RAPGEF6: variants seen among roughly 807,000 people sequenced by gnomAD.
The protein encoded by RAPGEF6 is PDZ domain containing guanine nucleotide exchange factor (GEF) 2.
A neutral mutation model predicts 171.4 loss-of-function variants in RAPGEF6; 56 were observed. The ratio of observed to expected loss-of-function variants is 0.33; its 90% CI spans 0.26 to 0.41. RAPGEF6 has a LOEUF of 0.41. RAPGEF6 is among the 10% of genes least tolerant of loss of function. The pLI is 1.00. For missense variants in RAPGEF6, 1,674 were observed against 1,921.4 expected, an observed-to-expected ratio of 0.87 and a Z score of 2.41; for synonymous variants, 692 against 650.1, an observed-to-expected ratio of 1.06 and a Z score of -0.98.
chr5:131,429,031 G>A lies in RAPGEF6; in HGVS notation c.4651C>T (p.Pro1551Ser), dbSNP rs766355031. 6.8e-6 allele frequency: 11 copies of A among 1,614,180 alleles called. No homozygotes were observed. The highest frequency in any genetic ancestry group is 1.7e-5 in the Admixed American group (1 of 60,028). Residue 1551 changes from proline (P) to serine (S), a missense_variant, in exon 27 of 28, where the codon CCA (proline) becomes TCA (serine). Physicochemically the swap from Pro to Ser is moderately conservative, Grantham distance 74. Transcript: ENST00000509018. Reference sequence around the variant, plus strand: ...ACGAGGTTGCTACTGAGAGAAGCTGGTGGCAGTCTAGAGAGGCTGTTATGC... The same window carrying A: ...ACGAGGTTGCTACTGAGAGAAGCTGATGGCAGTCTAGAGAGGCTGTTATGC... The part of the protein sequence containing the change: ...MMHNSLSRLP[P>S]ASLSSNLVAC...
At chr5:131,445,640 T>C (rs1200490471) in intron 22 of RAPGEF6, among the ~76,000 whole-genome samples, 1 of 152,204 alleles carries the variant, frequency 6.6e-6, no homozygotes, top group East Asian at 1.9e-4. Flanking sequence ...TGGAGAGCAC[T>C]GGCATGGTCC....
intron 5 of RAPGEF6, among the ~76,000 whole-genome samples, chr5:131,554,175 T>C (rs1761092041): frequency 6.6e-6 from 1 of 152,130 alleles, no homozygotes; most frequent in Non-Finnish European, 1.5e-5. Context: ...ATAAAAATAA[T>C]TCTCCTCCTA....
At chr5:131,631,666 G>A (rs1766314525) in intron 1 of RAPGEF6, among the ~76,000 whole-genome samples, 1 of 152,208 alleles carries the variant, frequency 6.6e-6, no homozygotes, top group South Asian at 2.1e-4. Context: ...CAGTAAGGTA[G>A]TCAGGTGTAG....
chr5:131,610,633 T>G (rs1333716229), intron 1 of RAPGEF6, among the ~76,000 whole-genome samples: 1 of 152,080 alleles, frequency 6.6e-6, no homozygotes, highest in Non-Finnish European at 1.5e-5. Flanking sequence ...CACTGAGACC[T>G]GCAGAGCTGA....
chr5:131,470,169 T>C (rs1174342819), intron 17 of RAPGEF6, among the ~76,000 whole-genome samples: 3 of 152,202 alleles, frequency 2.0e-5, no homozygotes, highest in Non-Finnish European at 4.4e-5. Context: ...TTTAAAAATA[T>C]AAGTTAAATA....
At chr5:131,472,944 A>T in intron 16 of RAPGEF6, 200 bp from the exon 17 acceptor site, 1 of 546,302 alleles carries the variant, frequency 1.8e-6, no homozygotes, top group Admixed American at 3.3e-5. Flanking sequence ...TTAAAATAAA[A>T]TCTAACTTAT....
At chr5:131,431,515 C>T (rs1440721981) in intron 25 of RAPGEF6, among the ~76,000 whole-genome samples, 166 bp from the exon 26 acceptor site, 3 of 152,108 alleles carry the variant, frequency 2.0e-5, no homozygotes, top group Non-Finnish European at 2.9e-5. Flanking sequence ...CACTATATTC[C>T]TTGTAAGTAT....
intron 4 of RAPGEF6, among the ~76,000 whole-genome samples, chr5:131,564,808 A>G (rs950166305): frequency 6.6e-6 from 1 of 152,218 alleles, no homozygotes; most frequent in East Asian, 1.9e-4. Flanking sequence ...AGAGAGATAT[A>G]AAAAAGACCT....
At chr5:131,464,432 G>A in intron 17 of RAPGEF6, 151 bp from the exon 18 acceptor site, 17 of 582,494 alleles carry the variant, frequency 2.9e-5, no homozygotes, top group South Asian at 8.3e-5. Context: ...TGCATTTATT[G>A]ATAAATATAT....
In RAPGEF6 at chr5:131,582,941, T is replaced by C. The variant is rs138202131; in HGVS notation, c.281+9442A>G. Among the ~76,000 whole-genome samples the C allele has an allele frequency of 5.3e-5, 8 of 152,344 alleles. No homozygotes were observed. The East Asian group carries it at 1.5e-3, about 29-fold the overall frequency. On this transcript the variant is annotated intron_variant, in intron 4 of 27. Coordinates refer to ENST00000509018, the MANE Select transcript of RAPGEF6 (RefSeq NM_016340.6). ...TTATTGCTAGGTATTTTTCAAAATA[T>C]ATGAAAGTATGTATTCACATAAACA... is the stretch of plus-strand genomic sequence containing the variant.
intron 6 of RAPGEF6, among the ~76,000 whole-genome samples, chr5:131,544,599 GA>G (rs1165665722): frequency 6.6e-6 from 1 of 152,166 alleles, no homozygotes; most frequent in Non-Finnish European, 1.5e-5. Flanking sequence ...TAGGGTGATG[GA>G]AGTAATCATA....
At chr5:131,464,715 G>A (rs1379702523) in intron 17 of RAPGEF6, among the ~76,000 whole-genome samples, 4 of 151,964 alleles carry the variant, frequency 2.6e-5, no homozygotes, top group Non-Finnish European at 5.9e-5. Context: ...GATATGCCCC[G>A]TTACCCCCTG....
At chr5:131,508,278 A>C (rs1263563312) in intron 8 of RAPGEF6, 71 bp from the exon 9 acceptor site, 12 of 1,372,888 alleles carry the variant, frequency 8.7e-6, no homozygotes, top group Non-Finnish European at 6.8e-6. Flanking sequence ...CGAAATCTAG[A>C]ATTCAATTCC....
At chr5:131,557,356 C>G (rs1208396989) in intron 5 of RAPGEF6, among the ~76,000 whole-genome samples, 1 of 152,008 alleles carries the variant, frequency 6.6e-6, no homozygotes, top group African/African-American at 2.4e-5. Context: ...ATAAATGGTA[C>G]GTTTATAAAA....
chr5:131,510,630 A>T, intron 7 of RAPGEF6, 139 bp from the exon 8 acceptor site: 1 of 705,890 alleles, frequency 1.4e-6, no homozygotes, highest in East Asian at 2.9e-5. Context: ...GAATACAATA[A>T]AATGATACTT....
intron 7 of RAPGEF6, among the ~76,000 whole-genome samples, chr5:131,517,727 T>G (rs1200459051): frequency 6.7e-6 from 1 of 149,096 alleles, no homozygotes; most frequent in African/African-American, 2.5e-5. Flanking sequence ...TACTGATATT[T>G]AATTCTTCTC....
chr5:131,479,874 C>A, intron 15 of RAPGEF6, 121 bp from the exon 16 acceptor site: 2 of 989,556 alleles, frequency 2.0e-6, no homozygotes, highest in South Asian at 1.7e-5. Context: ...CAGTCTCATT[C>A]AACTAAACAC....
At position 131,439,572 on chromosome 5, in the gene RAPGEF6, T is replaced by C. The variant is rs1182997674; in HGVS notation, c.3745+9A>G. 2 of 1,602,582 alleles carry C rather than the reference T, an allele frequency of 1.2e-6. No homozygotes were observed. The highest frequency in any genetic ancestry group is 1.7e-4 in the Middle Eastern group (1 of 5,888). ...TTAACAAGAACTAGTTTGAAATGTT[T>C]TGTCTTACCTTTGTGAGGGGAGCCT... On this transcript the variant is annotated intron_variant, in intron 24 of 27. Coordinates refer to ENST00000509018, the MANE Select transcript of RAPGEF6 (RefSeq NM_016340.6).
At chr5:131,557,761 A>G (rs1761330342) in intron 5 of RAPGEF6, among the ~76,000 whole-genome samples, 1 of 152,220 alleles carries the variant, frequency 6.6e-6, no homozygotes, top group Non-Finnish European at 1.5e-5. Flanking sequence ...CTGCATCCAT[A>G]GAAATGATTA....
Sources: gnomAD v4.1 joint callset for allele counts (sites outside exome capture counted in the v4.1 genomes callset) on GRCh38, gnomAD v4.1.1 for gene constraint, MANE v1.5 for transcripts, NCBI Gene and HGNC (gene_info 2026-07-23, HGNC 2026-07-21) for gene names.